Variants in SLC25A48 observed in about 807,000 individuals in gnomAD.
SLC25A48 encodes the protein CTC-321K16.1.
A neutral mutation model predicts 32.2 loss-of-function variants in SLC25A48; 29 were observed. The ratio of observed to expected loss-of-function variants is 0.90; its 90% confidence interval spans 0.67 to 1.23. The LOEUF (loss-of-function observed/expected upper bound fraction) is 1.23, where lower values mean the gene tolerates loss of function less well. SLC25A48 is among the 50% of genes most tolerant of loss of function. The pLI is 0.00. For missense variants in SLC25A48, 399 were observed against 422.7 expected (o/e 0.94, Z 0.49); for synonymous variants, 164 against 172.3 (o/e 0.95, Z 0.38).
At chr5:135,773,267 C>T (rs577329224) in intron 3 of SLC25A48, among the ~76,000 whole-genome samples, 8 of 151,480 alleles carry the variant, frequency 5.3e-5, no homozygotes, top group African/African-American at 1.9e-4. Flanking sequence ...GTGTACACTT[C>T]CTGGAATGTT....
At chr5:135,583,970 T>G (rs1751297827) in intron 1 of SLC25A48, among the ~76,000 whole-genome samples, 1 of 152,204 alleles carries the variant, frequency 6.6e-6, no homozygotes. Context: ...GGACCAAGGT[T>G]CCCAAGAACA....
chr5:135,871,363 A>T, intron 4 of SLC25A48, 98 bp from the exon 5 acceptor site: 1 of 1,407,196 alleles, frequency 7.1e-7, no homozygotes, highest in Non-Finnish European at 9.6e-7. Context: ...GCTACATGAG[A>T]GGGAACTGTC....
chr5:135,659,474 C>T (rs561276668), intron 3 of SLC25A48, among the ~76,000 whole-genome samples: 12 of 152,316 alleles, frequency 7.9e-5, no homozygotes, highest in South Asian at 2.1e-4. Context: ...TAGGAAATTC[C>T]GAACCTTTCC....
At chr5:135,723,339 C>A (rs13190526) in intron 3 of SLC25A48, among the ~76,000 whole-genome samples, 2 of 150,578 alleles carry the variant, frequency 1.3e-5, no homozygotes, top group Non-Finnish European at 3.0e-5. Flanking sequence ...GAATGGTATC[C>A]AGTGGAAGGG....
intron 3 of SLC25A48, among the ~76,000 whole-genome samples, chr5:135,785,296 C>T (rs1756808757): frequency 1.3e-5 from 2 of 152,046 alleles, no homozygotes; most frequent in South Asian, 2.1e-4. Context: ...GGAACACCTC[C>T]CTTGCTCCAT....
chr5:135,581,675 C>G (rs1023008340), intron 1 of SLC25A48, among the ~76,000 whole-genome samples: 4 of 152,222 alleles, frequency 2.6e-5, no homozygotes, highest in Non-Finnish European at 1.5e-5. Context: ...TTGGGCTGGA[C>G]CAGAGGTCAG....
At chr5:135,621,146 A>G (rs1752317156) in intron 1 of SLC25A48, among the ~76,000 whole-genome samples, 1 of 152,206 alleles carries the variant, frequency 6.6e-6, no homozygotes, top group Non-Finnish European at 1.5e-5. Flanking sequence ...AAAGTGCTAT[A>G]GTTAACTGGA....
At chr5:135,827,765 G>A (rs1296418405) in intron 4 of SLC25A48, among the ~76,000 whole-genome samples, 2 of 151,170 alleles carry the variant, frequency 1.3e-5, no homozygotes, top group Non-Finnish European at 2.9e-5. Flanking sequence ...TGCCCCCAAA[G>A]GAACAGACAG....
intron 3 of SLC25A48, among the ~76,000 whole-genome samples, chr5:135,770,616 G>A (rs1184592292): frequency 1.3e-5 from 2 of 151,726 alleles, no homozygotes; most frequent in East Asian, 3.9e-4. Context: ...TATGCCAGTG[G>A]GAGAGGATGA....
At chr5:135,862,656 A>G (rs1444659940) in intron 4 of SLC25A48, among the ~76,000 whole-genome samples, 1 of 152,206 alleles carries the variant, frequency 6.6e-6, no homozygotes, top group Non-Finnish European at 1.5e-5. Context: ...CCAGAAAGGA[A>G]GAGGCTGTTG....
chr5:135,882,160 G>A (rs966313036), intron 7 of SLC25A48, among the ~76,000 whole-genome samples: 1 of 152,234 alleles, frequency 6.6e-6, no homozygotes, highest in Non-Finnish European at 1.5e-5. Flanking sequence ...TCTCCCTTAG[G>A]AGGGAGGACT....
intron 2 of SLC25A48, among the ~76,000 whole-genome samples, chr5:135,842,828 GGT>G (rs1759118898): frequency 6.6e-6 from 1 of 152,224 alleles, no homozygotes; most frequent in Admixed American, 6.5e-5. Context: ...TAAAAACTGA[GGT>G]GCGAGATGCT....
chr5:135,794,310 G>A (rs977454969), intron 3 of SLC25A48, among the ~76,000 whole-genome samples: 1 of 151,564 alleles, frequency 6.6e-6, no homozygotes, highest in South Asian at 2.1e-4. Flanking sequence ...CAAATATCCA[G>A]GGGGTGAGAG....
intron 1 of SLC25A48, among the ~76,000 whole-genome samples, chr5:135,614,646 A>G (rs1199094882): frequency 2.0e-5 from 3 of 152,174 alleles, no homozygotes; most frequent in Non-Finnish European, 4.4e-5. Context: ...AAATGATCAT[A>G]TGTTTTTTTC....
chr5:135,842,564 A>T, intron 2 of SLC25A48, 105 bp downstream of exon 2: 9 of 1,205,566 alleles, frequency 7.5e-6, no homozygotes, highest in Non-Finnish European at 9.7e-6. Context: ...TCTTCTGCCC[A>T]GGGCAGACTC....
Position 135,871,719 on chromosome 5 carries a change from G to T in SLC25A48, c.679+1G>T. 6.2e-7 allele frequency: 1 copy of T among 1,613,082 alleles called. No individual in the cohort carries two copies. ...GTGTGGCTGGCGGGCGGCATGGCAG[G>T]TAAGGGCAGCAGCAGCTGGAGCCGC... On this transcript the variant is annotated splice_donor_variant, in intron 5 of 7. Coordinates refer to ENST00000681962, the MANE Select transcript of SLC25A48 (RefSeq NM_001349336.2). LOFTEE classifies it high-confidence loss of function.
At chr5:135,669,504 G>A (rs536811879) in intron 3 of SLC25A48, among the ~76,000 whole-genome samples, 2 of 152,146 alleles carry the variant, frequency 1.3e-5, no homozygotes, top group African/African-American at 4.8e-5. Context: ...GTGGGCAACG[G>A]GATGTCACTT....
chr5:135,644,017 A>C (rs1258064487), intron 3 of SLC25A48, among the ~76,000 whole-genome samples: 1 of 152,218 alleles, frequency 6.6e-6, no homozygotes, highest in Non-Finnish European at 1.5e-5. Context: ...CTCAGAGAAA[A>C]TAGATACTTT....
chr5:135,607,782 A>G (rs148876866), intron 1 of SLC25A48, among the ~76,000 whole-genome samples: 2,723 of 152,236 alleles, frequency 0.018, 37 homozygotes, highest in Middle Eastern at 0.037. Context: ...ACAGGGGCCC[A>G]TTTTTACTTT....
Sources: gnomAD v4.1 joint callset for allele counts (sites outside exome capture counted in the v4.1 genomes callset) on GRCh38, gnomAD v4.1.1 for gene constraint, MANE v1.5 for transcripts, NCBI Gene and HGNC (gene_info 2026-07-23, HGNC 2026-07-21) for gene names.